BTBD16: variants seen among roughly 807,000 people sequenced by gnomAD.
The protein encoded by BTBD16 is BTB/POZ domain-containing protein 16.
In BTBD16, 66 loss-of-function variants were observed where a neutral mutation model predicts 67.4. The ratio of observed to expected loss-of-function variants is 0.98; its 90% CI spans 0.80 to 1.20. The LOEUF is 1.20. Among genes scored for constraint, BTBD16 ranks in the 50% most tolerant of loss-of-function variants. The pLI is 0.00. For synonymous variants in BTBD16, 242 were observed against 236.4 expected (o/e 1.02, Z -0.22); for missense variants, 634 against 616.0 (o/e 1.03, Z -0.31).
chr10:122,274,894 A>C, intron 1 of BTBD16, 146 bp from the exon 2 acceptor site: 1 of 590,214 alleles, frequency 1.7e-6, no homozygotes, highest in Non-Finnish European at 3.0e-6. Context: ...AGCAACAACA[A>C]GATATTCTCT....
chr10:122,303,897 A>C (rs1346893262), intron 9 of BTBD16, among the ~76,000 whole-genome samples: 1 of 152,196 alleles, frequency 6.6e-6, no homozygotes, highest in Non-Finnish European at 1.5e-5. Context: ...TTCAGGTCTG[A>C]TATTGACCTA....
chr10:122,316,336 T>A (rs2096424347), intron 10 of BTBD16, among the ~76,000 whole-genome samples: 1 of 152,104 alleles, frequency 6.6e-6, no homozygotes, highest in East Asian at 1.9e-4. Context: ...CCACCACCAT[T>A]GGTGGGCAAA....
At chr10:122,329,756 T>TGG (rs2096452153) in intron 11 of BTBD16, among the ~76,000 whole-genome samples, 185 bp downstream of exon 11, 1 of 152,230 alleles carries the variant, frequency 6.6e-6, no homozygotes. Flanking sequence ...TTTCCCTGTC[T>TGG]GTAAAACGAG....
intron 5 of BTBD16, among the ~76,000 whole-genome samples, chr10:122,287,177 T>G (rs1282544510): frequency 6.6e-6 from 1 of 152,188 alleles, no homozygotes; most frequent in East Asian, 1.9e-4. Flanking sequence ...TGCAACAAGC[T>G]TGGTGCTGGC....
At position 122,334,928 on chromosome 10, in the gene BTBD16, T is replaced by G; in HGVS notation, c.1212T>G (p.Phe404Leu). Reference protein sequence around the residue: ...SKTIALYGFFFKIKGLKHDTT... With the variant: ...SKTIALYGFFLKIKGLKHDTT... ...CGATTGCTCTATATGGATTCTTCTT[T>G]AAGATAAAGGGACTCAAACATGATA... is the stretch of plus-strand genomic sequence containing the variant. Residue 404 changes from phenylalanine (F) to leucine (L), a missense_variant, in exon 14 of 16, where the codon TTT (phenylalanine) becomes TTG (leucine). By Grantham distance (22) the Phe-to-Leu change is conservative. Coordinates refer to ENST00000260723, the MANE Select transcript of BTBD16 (RefSeq NM_144587.5). 6.3e-7 allele frequency: 1 copy of G among 1,577,392 alleles called. No homozygotes were observed. Among genetic ancestry groups the G allele is most frequent in the South Asian group, 1.1e-5 (1 of 89,868 alleles).
rs1236237433 is a variant in BTBD16, at chr10:122,322,292, T to C, written c.912-7188T>C. On this transcript the variant is annotated intron_variant, in intron 10 of 15. Transcript: ENST00000260723. The stretch of plus-strand genomic sequence containing the variant: ...TTAGATATCTGATTTCCAGGCTTTC[T>C]TCTTTTCTGATTTAGAGCTATACGT... 3.3e-5 allele frequency among the ~76,000 whole-genome samples: 5 copies of C among 152,240 alleles called. No individual in the cohort carries two copies. The South Asian group carries it at 8.3e-4, about 25-fold the overall frequency.
chr10:122,310,692 AT>A (rs1263157618), intron 10 of BTBD16, among the ~76,000 whole-genome samples: 8 of 152,234 alleles, frequency 5.3e-5, no homozygotes, highest in Non-Finnish European at 1.0e-4. Flanking sequence ...ATTTGGCCCA[AT>A]TTTAAAAATT....
At chr10:122,298,652 C>A (rs772869917) in intron 8 of BTBD16, among the ~76,000 whole-genome samples, 3 of 152,154 alleles carry the variant, frequency 2.0e-5, no homozygotes, top group Non-Finnish European at 4.4e-5. Context: ...TGGGCAAAGC[C>A]TATGGTCAGG....
chr10:122,321,434 C>T (rs61446500), intron 10 of BTBD16, among the ~76,000 whole-genome samples: 3,407 of 152,306 alleles, frequency 0.022, 134 homozygotes, highest in African/African-American at 0.077. Context: ...AATCTCCAAA[C>T]TGCTTTCCAC....
chr10:122,312,563 C>T (rs545227295), intron 10 of BTBD16, among the ~76,000 whole-genome samples: 9 of 152,150 alleles, frequency 5.9e-5, no homozygotes, highest in African/African-American at 2.2e-4. Flanking sequence ...ATCCACCCGC[C>T]TTGGTCTCCC....
intron 14 of BTBD16, among the ~76,000 whole-genome samples, 165 bp downstream of exon 14, chr10:122,335,144 CA>C (rs980445741): frequency 6.6e-6 from 1 of 152,196 alleles, no homozygotes; most frequent in Non-Finnish European, 1.5e-5. Flanking sequence ...TTGATTTTTA[CA>C]ACAACCTTGG....
chr10:122,286,352 A>C (rs771517139), intron 5 of BTBD16, 104 bp downstream of exon 5: 2 of 1,457,940 alleles, frequency 1.4e-6, no homozygotes, highest in Non-Finnish European at 1.8e-6. Flanking sequence ...TCACTCTAGC[A>C]GTCAAGAGTA....
At chr10:122,297,633 C>A in intron 7 of BTBD16, 135 bp from the exon 8 acceptor site, 1 of 897,696 alleles carries the variant, frequency 1.1e-6, no homozygotes, top group Non-Finnish European at 1.8e-6. Flanking sequence ...GCCAAATGTC[C>A]ATACCCCTAA....
intron 10 of BTBD16, among the ~76,000 whole-genome samples, chr10:122,312,930 G>T (rs2096416693): frequency 6.6e-6 from 1 of 152,200 alleles, no homozygotes; most frequent in African/African-American, 2.4e-5. Context: ...AGGCTGGAGT[G>T]CAGTGGTGTG....
intron 3 of BTBD16, among the ~76,000 whole-genome samples, chr10:122,277,969 T>C (rs540457879): frequency 6.6e-6 from 1 of 152,288 alleles, no homozygotes; most frequent in South Asian, 2.1e-4. Flanking sequence ...CAAATCAAAG[T>C]GAGCATGGAC....
rs946604637 is a variant in BTBD16, at chr10:122,274,901, C to A, written c.-42-139C>A. 4.9e-6 allele frequency: 3 copies of A among 606,628 alleles called. No individual in the cohort carries two copies. The Admixed American group carries it at 9.6e-5, about 19-fold the overall frequency. The allele number at this position is 606,628 out of a possible 1,614,324, so 37.6% of individuals were successfully genotyped here. ...AAAACCCCAGCAACAACAAGATATT[C>A]TCTTGATTGATAAATAACCCACATT... On this transcript the variant is annotated intron_variant, in intron 1 of 15. Coordinates refer to ENST00000260723, the MANE Select transcript of BTBD16 (RefSeq NM_144587.5).
chr10:122,299,075 G>A lies in BTBD16; in HGVS notation c.732G>A (p.Thr244=), dbSNP rs746492119. 3.1e-6 allele frequency: 5 copies of A among 1,613,882 alleles called. No homozygotes were observed. The highest frequency in any genetic ancestry group is 1.3e-5 in the African/African-American group (1 of 74,908). The change falls in exon 9 of 16, where the codon ACG becomes ACA. Residue 244 remains threonine (T), a synonymous_variant. Transcript: ENST00000260723. ...TGAACTTGGTTCCTCTAGGGGGGAC[G>A]CAGATCCACCTCCACAAAATCCCAC... ...LEMNLVPLGG[T]QIHLHKIPQD...
rs141259852 is a variant in BTBD16 at position 122,311,133 on chromosome 10, A to T, written c.911+3825A>T. ...CTTTTGTTCATTAATTTTTTTTTCA[A>T]TCTTTCATTCAACAAATATTTTTTG... is the stretch of plus-strand genomic sequence containing the variant. On this transcript the variant is annotated intron_variant, in intron 10 of 15. Transcript: ENST00000260723. 3.6e-3 allele frequency among the ~76,000 whole-genome samples: 549 copies of T among 152,194 alleles called. 3 individuals carry two copies. Among genetic ancestry groups the T allele is most frequent in the African/African-American group, 0.013 (521 of 41,518 alleles).
chr10:122,301,517 C>G (rs1350030641), intron 9 of BTBD16, among the ~76,000 whole-genome samples: 2 of 151,974 alleles, frequency 1.3e-5, no homozygotes, highest in Non-Finnish European at 2.9e-5. Context: ...AGCCATGTGC[C>G]CACGCTGACC....
Sources: allele counts gnomAD v4.1 joint callset (sites outside exome capture counted in the v4.1 genomes callset), GRCh38; gene constraint gnomAD v4.1.1; transcripts MANE v1.5; gene names NCBI Gene and HGNC (gene_info 2026-07-23, HGNC 2026-07-21).